Variants in SCML2 observed in about 807,000 individuals in gnomAD.
SCML2 encodes the protein sex comb on midleg-like protein 2.
Under a neutral mutation model 48.4 loss-of-function variants are expected in SCML2, and 6 were observed. That is an observed-to-expected ratio of 0.12 (90% confidence interval 0.07 to 0.24). The LOEUF (loss-of-function observed/expected upper bound fraction) is 0.24. SCML2 is among the 10% of genes least tolerant of loss of function. The probability of loss-of-function intolerance (pLI) is 1.00; values close to 1 mark genes in which losing one functional copy is unlikely to be tolerated. For missense variants in SCML2, 377 were observed against 528.2 expected (o/e 0.71, Z 2.81); for synonymous variants, 181 against 189.5 (o/e 0.95, Z 0.37).
chrX:18,338,792 T>C (rs1206308054), intron 1 of SCML2, among the ~76,000 whole-genome samples: 2 of 108,871 alleles, frequency 1.8e-5, no homozygotes, highest in African/African-American at 3.4e-5. Context: ...CACATGCCTG[T>C]AGTCCCAGCT....
At chrX:18,282,059 G>A (rs1170615151) in intron 7 of SCML2, among the ~76,000 whole-genome samples, 1 of 110,307 alleles carries the variant, frequency 9.1e-6, no homozygotes, top group Non-Finnish European at 1.9e-5. Context: ...GGAGGCAGAG[G>A]TTGCAGTGAG....
chrX:18,334,852 C>A (rs1929759469), intron 1 of SCML2, among the ~76,000 whole-genome samples: 1 of 112,248 alleles, frequency 8.9e-6, no homozygotes, highest in Non-Finnish European at 1.9e-5. Context: ...CTCCATGTGC[C>A]TGTAATAAGA....
rs1348082535 is a variant in SCML2 at position 18,323,950 on chromosome X, G to A, written c.306C>T (p.Asn102=). 2 of 1,209,017 alleles carry A rather than the reference G, an allele frequency of 1.7e-6. No homozygotes were observed. The highest frequency in any genetic ancestry group is 3.5e-5 in the African/African-American group (2 of 57,011). Residue 102 remains asparagine (N), a synonymous_variant, in exon 5 of 15, where the codon AAC becomes AAT. Transcript: ENST00000251900. ...CGACAAGCCTCCAAAAATCATTTCT[G>A]TTGTCACTACCATCCAGTCGTAACC... The part of the protein sequence containing the change: ...RLRLRLDGSD[N]RNDFWRLVDS...
chrX:18,324,092 G>A lies in SCML2; in HGVS notation c.164C>T (p.Ser55Phe). 1 of 1,164,257 alleles carries A rather than the reference G, an allele frequency of 8.6e-7. No homozygotes were observed. The highest frequency in any genetic ancestry group is 1.2e-6 in the Non-Finnish European group (1 of 857,567). ...ISAPSECFRQ[S>F]QIPPVNDFKV... is the part of the protein sequence containing the mutation. ...GAAATCATTCACAGGTGGAATCTGA[G>A]ACTATATATATAAATAAAATTTGGT... Residue 55 changes from serine (S) to phenylalanine (F), a missense_variant and splice_region_variant, in exon 5 of 15, where the codon TCT becomes TTT. Around this residue, in one of 3 missense-constraint regions of SCML2, gnomAD observed 61 missense variants for 59.9 expected, o/e 1.02. Transcript: ENST00000251900.
At chrX:18,277,423 T>C (rs949563216) in intron 7 of SCML2, among the ~76,000 whole-genome samples, 1 of 112,050 alleles carries the variant, frequency 8.9e-6, no homozygotes, top group Middle Eastern at 4.6e-3. Context: ...CATATAGTAT[T>C]AAAATTTGTC....
rs909675684 is a variant in SCML2, at chrX:18,323,852, T to C, written c.397+7A>G. 7 of 1,170,053 alleles carry C rather than the reference T, an allele frequency of 6.0e-6. No homozygotes were observed. The highest frequency in any genetic ancestry group is 8.2e-6 in the Non-Finnish European group (7 of 857,679). ...AGAATACGCTATTTTTAAAACTTTC[T>C]TCTTACCTAGTGGAGGTTGAAGTAA... On this transcript the variant is annotated splice_region_variant and intron_variant, in intron 5 of 14. Transcript: ENST00000251900.
intron 7 of SCML2, among the ~76,000 whole-genome samples, chrX:18,276,958 C>T (rs1032820097): frequency 4.6e-5 from 5 of 109,341 alleles, no homozygotes; most frequent in African/African-American, 1.3e-4. Context: ...TTGAATTGTT[C>T]GTTTTAAAAT....
intron 1 of SCML2, among the ~76,000 whole-genome samples, chrX:18,340,730 A>T (rs1320688557): frequency 1.9e-5 from 2 of 107,865 alleles, no homozygotes; most frequent in African/African-American, 6.8e-5. Context: ...GAATTGCTTG[A>T]ACCCAGGAGA....
chrX:18,330,709 G>A (rs1032640619), intron 2 of SCML2, 54 bp from the exon 3 acceptor site: 47 of 722,191 alleles, frequency 6.5e-5, no homozygotes, highest in Non-Finnish European at 9.4e-5. Context: ...GCTTGAAAGA[G>A]CACTCAGAAA....
chrX:18,241,572 C>CT (rs1926265625), intron 14 of SCML2, among the ~76,000 whole-genome samples, 193 bp from the exon 15 acceptor site: 1 of 112,204 alleles, frequency 8.9e-6, no homozygotes, highest in Non-Finnish European at 1.9e-5. Context: ...TTAGTTCAAA[C>CT]TTTAAGAAAA....
intron 3 of SCML2, among the ~76,000 whole-genome samples, chrX:18,329,590 T>C (rs1215595874): frequency 1.8e-5 from 2 of 112,659 alleles, no homozygotes; most frequent in Non-Finnish European, 3.8e-5. Context: ...TCAGATTCTA[T>C]TACATCTCCT....
chrX:18,275,344 G>C (rs1927594010), intron 7 of SCML2, among the ~76,000 whole-genome samples: 1 of 112,244 alleles, frequency 8.9e-6, no homozygotes, highest in African/African-American at 3.2e-5. Flanking sequence ...TTCAGGAAAG[G>C]GCTTCCCTTC....
intron 9 of SCML2, among the ~76,000 whole-genome samples, chrX:18,258,811 T>C (rs1389707208): frequency 9.0e-6 from 1 of 111,347 alleles, no homozygotes; most frequent in East Asian, 2.8e-4. Flanking sequence ...TCCTTCTATA[T>C]ATACCAAGAT....
chrX:18,310,260 CT>C (rs773391164), intron 6 of SCML2, among the ~76,000 whole-genome samples: 254 of 62,344 alleles, frequency 4.1e-3, no homozygotes, highest in Middle Eastern at 0.038. Flanking sequence ...AACCACCTCC[CT>C]TTTTTTTTTT....
chrX:18,283,489 A>C (rs989023175), intron 7 of SCML2, among the ~76,000 whole-genome samples: 1 of 112,414 alleles, frequency 8.9e-6, no homozygotes, highest in Non-Finnish European at 1.9e-5. Context: ...GAAAAGAAGA[A>C]GTCAAACTAT....
chrX:18,336,045 G>C (rs1008661758), intron 1 of SCML2, among the ~76,000 whole-genome samples: 4 of 112,182 alleles, frequency 3.6e-5, no homozygotes, highest in East Asian at 5.6e-4. Flanking sequence ...TAGATCAGTG[G>C]AAACAGGCTA....
chrX:18,307,074 G>T (rs1928778709), intron 6 of SCML2, among the ~76,000 whole-genome samples: 1 of 111,200 alleles, frequency 9.0e-6, no homozygotes, highest in African/African-American at 3.3e-5. Flanking sequence ...CTTGAGCTCA[G>T]GAGTTTGACA....
intron 4 of SCML2, 22 bp from the exon 5 acceptor site, chrX:18,324,115 G>A (rs1242380050): frequency 9.6e-7 from 1 of 1,040,943 alleles, no homozygotes; most frequent in Admixed American, 2.5e-5. Flanking sequence ...AATAAAATTT[G>A]GTTAAAATGC....
Position 18,326,466 on chromosome X carries a change from G to A in SCML2, c.92-1489C>T, listed in dbSNP as rs1201976947. Among the ~76,000 whole-genome samples the A allele has an allele frequency of 2.7e-5, 3 of 110,129 alleles. No individual in the cohort carries two copies. In the Admixed American group the frequency reaches 2.9e-4, roughly 11 times the overall value. On this transcript the variant is annotated intron_variant, in intron 3 of 14. Coordinates refer to ENST00000251900, the MANE Select transcript of SCML2 (RefSeq NM_006089.3). ...GGCTGAGGTGAACAGATCACCTGAG[G>A]TCAGGAGTTCAAGACCAACCTGGCC...
Sources: allele counts gnomAD v4.1 joint callset (sites outside exome capture counted in the v4.1 genomes callset), GRCh38; gene constraint gnomAD v4.1.1; regional missense constraint gnomAD v4.1.1; transcripts MANE v1.5; gene names NCBI Gene and HGNC (gene_info 2026-07-23, HGNC 2026-07-21).